Variants in KCNH8 observed in about 807,000 individuals in gnomAD.
KCNH8 encodes the protein potassium voltage-gated channel subfamily H member 8.
A neutral mutation model predicts 103.6 loss-of-function variants in KCNH8; 70 were observed. That is an observed-to-expected ratio of 0.68 (90% confidence interval 0.56 to 0.82). The LOEUF (loss-of-function observed/expected upper bound fraction) is 0.82, where lower values mean the gene tolerates loss of function less well. Ranked by LOEUF, KCNH8 falls within the 40% of genes least tolerant of loss-of-function variation. The pLI is 0.00. For synonymous variants in KCNH8, 498 were observed against 489.4 expected (o/e 1.02, Z -0.23); for missense variants, 1,217 against 1,329.9 (o/e 0.92, Z 1.32).
chr3:19,485,421 G>A, intron 11 of KCNH8, among the ~76,000 whole-genome samples: 1 of 152,234 alleles, frequency 6.6e-6, no homozygotes, highest in East Asian at 1.9e-4. Context: ...CTGTTGGCAA[G>A]TAACGCACTG....
intron 5 of KCNH8, among the ~76,000 whole-genome samples, chr3:19,374,265 AG>A (rs2066153735): frequency 6.6e-6 from 1 of 151,688 alleles, no homozygotes; most frequent in Non-Finnish European, 1.5e-5. Context: ...TAGGTCACTC[AG>A]GACTGGCTTT....
At chr3:19,282,286 G>T (rs562563835) in intron 3 of KCNH8, among the ~76,000 whole-genome samples, 1 of 152,208 alleles carries the variant, frequency 6.6e-6, no homozygotes, top group South Asian at 2.1e-4. Flanking sequence ...ATATTGGCAT[G>T]ACTAAATTAT....
At position 19,164,897 on chromosome 3, in the gene KCNH8, G is replaced by T. The variant is rs148343132; in HGVS notation, c.76+16102G>T. ...TTGAGAGCTCTGCTGTAAGTCCAAA[G>T]CTTGTTAATATTATAATATATTCAG... On this transcript the variant is annotated intron_variant, in intron 1 of 15. Transcript: ENST00000328405. Among the ~76,000 whole-genome samples the T allele has an allele frequency of 4.2e-3, 636 of 152,258 alleles. 2 individuals are homozygous for T. The highest frequency in any genetic ancestry group is 0.011 in the African/African-American group (454 of 41,538).
chr3:19,372,597 G>A (rs78344582), intron 5 of KCNH8, among the ~76,000 whole-genome samples: 2 of 151,832 alleles, frequency 1.3e-5, no homozygotes, highest in Admixed American at 6.6e-5. Context: ...ATTGAATACC[G>A]TTTATTTCCT....
chr3:19,256,620 T>C (rs2064350007), intron 2 of KCNH8, among the ~76,000 whole-genome samples: 1 of 151,898 alleles, frequency 6.6e-6, no homozygotes, highest in Non-Finnish European at 1.5e-5. Context: ...TATATGAGTA[T>C]TTTTCTTTTT....
intron 1 of KCNH8, among the ~76,000 whole-genome samples, chr3:19,227,041 C>G (rs2063940217): frequency 6.6e-6 from 1 of 152,178 alleles, no homozygotes; most frequent in Non-Finnish European, 1.5e-5. Flanking sequence ...TCCAGTGACA[C>G]TTTCAAATCA....
At chr3:19,380,983 A>G (rs906243158) in intron 5 of KCNH8, among the ~76,000 whole-genome samples, 2 of 152,244 alleles carry the variant, frequency 1.3e-5, no homozygotes, top group African/African-American at 2.4e-5. Flanking sequence ...TTAATTGAGC[A>G]TAGTTCTGTT....
intron 2 of KCNH8, among the ~76,000 whole-genome samples, chr3:19,260,530 A>T (rs950467699): frequency 2.5e-5 from 3 of 119,190 alleles, no homozygotes; most frequent in African/African-American, 9.6e-5. Flanking sequence ...ATATATATAT[A>T]TATAGTAAAA....
intron 7 of KCNH8, among the ~76,000 whole-genome samples, chr3:19,430,642 G>A (rs994604612): frequency 3.3e-5 from 5 of 151,936 alleles, no homozygotes; most frequent in South Asian, 2.1e-4. Context: ...ATTTGTTTCC[G>A]TCATCTCTGA....
intron 5 of KCNH8, among the ~76,000 whole-genome samples, chr3:19,360,491 T>C (rs1302781676): frequency 6.6e-6 from 1 of 152,090 alleles, no homozygotes; most frequent in Admixed American, 6.6e-5. Context: ...GCATTCCCAC[T>C]ATATCAGCAG....
In KCNH8 at chr3:19,395,291, G is replaced by T. The variant is rs774727569; in HGVS notation, c.1157G>T (p.Ser386Ile). 3.7e-6 allele frequency: 6 copies of T among 1,610,016 alleles called. No individual in the cohort carries two copies. Among genetic ancestry groups the T allele is most frequent in the Non-Finnish European group, 5.1e-6 (6 of 1,178,028 alleles). Residue 386 changes from serine to isoleucine, a missense_variant, in exon 7 of 16, where the codon AGC becomes ATC. By Grantham distance (142) the Ser-to-Ile change is moderately radical. Coordinates refer to ENST00000328405, the MANE Select transcript of KCNH8 (RefSeq NM_144633.3). ...GGAAAAATGGAGAGGGAAGACAACA[G>T]CCTTCTGAAGTGGGAAGTTGGTAAG... ...VIGKMEREDNSLLKWEVGWLH... is the reference protein window; with the variant it reads ...VIGKMEREDNILLKWEVGWLH...
At chr3:19,468,978 G>C (rs1306250349) in intron 11 of KCNH8, among the ~76,000 whole-genome samples, 1 of 152,160 alleles carries the variant, frequency 6.6e-6, no homozygotes, top group Non-Finnish European at 1.5e-5. Context: ...ATTTCAGTCT[G>C]AAATAAAATT....
chr3:19,254,159 C>T (rs11923833), intron 2 of KCNH8, among the ~76,000 whole-genome samples: 13,956 of 151,704 alleles, frequency 0.092, 2,081 homozygotes, highest in African/African-American at 0.31. Flanking sequence ...AAATAAAGTA[C>T]GTTACTATTA....
rs114419005 is a variant in KCNH8, at chr3:19,388,158, C to A, written c.812-2323C>A. ...TGGTCACTTATTCAAGGAATTTATC[C>A]CCTTTAATTTTATAAAGAACTTATG... is the stretch of plus-strand genomic sequence containing the variant. On this transcript the variant is annotated intron_variant, in intron 5 of 15. Transcript: ENST00000328405. Among the ~76,000 whole-genome samples, 1,086 of 152,022 alleles carry A rather than the reference C, an allele frequency of 7.1e-3. 11 individuals carry two copies. Among genetic ancestry groups the A allele is most frequent in the African/African-American group, 0.025 (1,046 of 41,470 alleles).
At chr3:19,470,657 T>C (rs951705634) in intron 11 of KCNH8, among the ~76,000 whole-genome samples, 2 of 152,086 alleles carry the variant, frequency 1.3e-5, no homozygotes, top group Non-Finnish European at 2.9e-5. Flanking sequence ...ATGGAATCCC[T>C]GAGGGCTGAA....
intron 1 of KCNH8, among the ~76,000 whole-genome samples, chr3:19,227,980 G>A (rs1222591144): frequency 1.3e-5 from 2 of 152,126 alleles, no homozygotes; most frequent in African/African-American, 4.8e-5. Flanking sequence ...TAATAATCAT[G>A]TAAGCGAGGT....
intron 1 of KCNH8, among the ~76,000 whole-genome samples, chr3:19,217,713 T>C (rs1222508320): frequency 6.6e-6 from 1 of 152,222 alleles, no homozygotes. Flanking sequence ...CAGGCTGGCT[T>C]CAGCGTCTGT....
intron 5 of KCNH8, among the ~76,000 whole-genome samples, chr3:19,362,992 G>A (rs1212559335): frequency 6.6e-6 from 1 of 152,072 alleles, no homozygotes; most frequent in Non-Finnish European, 1.5e-5. Flanking sequence ...TAGAAAATTA[G>A]CATCCTTTGA....
intron 1 of KCNH8, among the ~76,000 whole-genome samples, chr3:19,218,395 G>A (rs747549454): frequency 3.3e-5 from 5 of 152,140 alleles, no homozygotes; most frequent in African/African-American, 7.2e-5. Context: ...AGCTTTCTTT[G>A]CTATACATGC....
Sources: gnomAD v4.1 joint callset for allele counts (sites outside exome capture counted in the v4.1 genomes callset) on GRCh38, gnomAD v4.1.1 for gene constraint, MANE v1.5 for transcripts, NCBI Gene and HGNC (gene_info 2026-07-23, HGNC 2026-07-21) for gene names.